The following PLCL1 variants were observed in gnomAD, a reference collection of about 807,000 sequenced individuals.
PLCL1 encodes the protein phospholipase C like 1 (inactive).
In PLCL1, 41 loss-of-function variants were observed where a neutral mutation model predicts 84.4. That is an observed-to-expected ratio of 0.49 (90% CI 0.38 to 0.63). PLCL1 has a LOEUF of 0.63. Ranked by LOEUF, PLCL1 falls within the 30% of genes least tolerant of loss-of-function variation. The probability of loss-of-function intolerance (pLI) is 0.00; values close to 1 mark genes in which losing one functional copy is unlikely to be tolerated. For synonymous variants in PLCL1, 490 were observed against 488.3 expected (o/e 1.00, Z -0.05); for missense variants, 1,206 against 1,367.8 (o/e 0.88, Z 1.87).
rs373401989 is a variant in PLCL1 at position 198,027,989 on chromosome 2, A to G, written c.241-55769A>G. On this transcript the variant is annotated intron_variant, in intron 1 of 5. Coordinates refer to ENST00000428675, the MANE Select transcript of PLCL1 (RefSeq NM_006226.4). ...GCTGGAACTACAGTTATGCACTACCATGCTTGGTTAATTTTTTATTTGTTC... is the reference window on the plus strand; with the variant it reads ...GCTGGAACTACAGTTATGCACTACCGTGCTTGGTTAATTTTTTATTTGTTC... 2.0e-5 allele frequency among the ~76,000 whole-genome samples: 3 copies of G among 152,044 alleles called. No homozygotes were observed. The East Asian group carries it at 5.8e-4, about 29-fold the overall frequency.
At chr2:198,065,464 T>C (rs918252963) in intron 1 of PLCL1, among the ~76,000 whole-genome samples, 2 of 152,148 alleles carry the variant, frequency 1.3e-5, no homozygotes, top group Non-Finnish European at 2.9e-5. Flanking sequence ...TCCATATCCT[T>C]CAGAATCATT....
intron 1 of PLCL1, among the ~76,000 whole-genome samples, chr2:198,072,255 C>G (rs371112294): frequency 2.6e-5 from 4 of 151,762 alleles, no homozygotes; most frequent in South Asian, 4.1e-4. Context: ...CCTCTCACCC[C>G]CATTCACCCC....
intron 1 of PLCL1, among the ~76,000 whole-genome samples, chr2:197,958,747 A>T (rs1689543230): frequency 6.6e-6 from 1 of 152,096 alleles, no homozygotes; most frequent in South Asian, 2.1e-4. Context: ...CCCTTACCTC[A>T]TTCAATCCTC....
intron 5 of PLCL1, among the ~76,000 whole-genome samples, chr2:198,131,690 C>G (rs1470326742): frequency 6.6e-6 from 1 of 152,186 alleles, no homozygotes; most frequent in African/African-American, 2.4e-5. Flanking sequence ...TTCTGGTTTT[C>G]TCTGCAAGAA....
chr2:198,105,002 G>A (rs1038867760), intron 5 of PLCL1, among the ~76,000 whole-genome samples: 4 of 151,922 alleles, frequency 2.6e-5, no homozygotes, highest in Non-Finnish European at 1.5e-5. Context: ...AGTTTCTTTT[G>A]CTGTGCAGAA....
In PLCL1 at chr2:198,148,315, C is replaced by T. The variant is rs915727881; in HGVS notation, c.*1353C>T. On this transcript the variant is annotated 3_prime_UTR_variant, in exon 6 of 6. Coordinates refer to ENST00000428675, the MANE Select transcript of PLCL1 (RefSeq NM_006226.4). ...ATTGTTGAAATTTTGCAAATATAAA[C>T]ATCTCCTATAGCTTCTGTGTTATTT... 6.6e-6 allele frequency: 1 copy of T among 152,274 alleles called. No homozygotes were observed. The highest frequency in any genetic ancestry group is 2.4e-5 in the African/African-American group (1 of 41,432). The allele number at this position is 152,274 out of a possible 1,614,324, so 9.4% of individuals were successfully genotyped here.
At chr2:197,850,019 CAG>C (rs1687198800) in intron 1 of PLCL1, among the ~76,000 whole-genome samples, 2 of 128,188 alleles carry the variant, frequency 1.6e-5, no homozygotes, top group South Asian at 2.5e-4. Context: ...CACAGACACA[CAG>C]ACACACACAG....
At chr2:197,998,658 G>C (rs1439774774) in intron 1 of PLCL1, among the ~76,000 whole-genome samples, 1 of 152,102 alleles carries the variant, frequency 6.6e-6, no homozygotes, top group Admixed American at 6.6e-5. Context: ...AGAGAAGTTG[G>C]CTACATAGAA....
rs1381881501 is a variant in PLCL1, at chr2:197,894,567, T to C, written c.240+89228T>C. On this transcript the variant is annotated intron_variant, in intron 1 of 5. Transcript: ENST00000428675. ...GTTACACATCTACCTTATCATCCTT[T>C]GTAAATGTTTATTTTATGCATGCAT... Among the ~76,000 whole-genome samples the C allele has an allele frequency of 5.3e-5, 8 of 152,026 alleles. 1 individual carries two copies. Among genetic ancestry groups the C allele is most frequent in the Admixed American group, 5.2e-4 (8 of 15,244 alleles).
chr2:198,001,038 G>A (rs537621486), intron 1 of PLCL1, among the ~76,000 whole-genome samples: 2 of 152,116 alleles, frequency 1.3e-5, no homozygotes, highest in South Asian at 2.1e-4. Context: ...AGAGAGATGT[G>A]GTGTTTTCTG....
At chr2:197,936,140 CT>C (rs1340002247) in intron 1 of PLCL1, among the ~76,000 whole-genome samples, 3 of 146,430 alleles carry the variant, frequency 2.0e-5, no homozygotes, top group South Asian at 2.4e-4. Context: ...CACCCCCCCC[CT>C]CACATTTTCT....
chr2:197,857,694 A>G (rs555937961), intron 1 of PLCL1, among the ~76,000 whole-genome samples: 3 of 152,132 alleles, frequency 2.0e-5, no homozygotes, highest in African/African-American at 7.2e-5. Flanking sequence ...GATTAATTAC[A>G]AGTTATTAAA....
chr2:198,131,171 A>G (rs1694110721), intron 5 of PLCL1, among the ~76,000 whole-genome samples: 1 of 152,098 alleles, frequency 6.6e-6, no homozygotes, highest in Middle Eastern at 3.2e-3. Flanking sequence ...GAAAGTGTGT[A>G]ACCCTGCTTG....
intron 1 of PLCL1, among the ~76,000 whole-genome samples, chr2:197,980,762 A>T (rs546873895): frequency 1.3e-5 from 2 of 152,306 alleles, no homozygotes; most frequent in African/African-American, 4.8e-5. Flanking sequence ...AATACTATGG[A>T]GTTCTTATTA....
intron 1 of PLCL1, among the ~76,000 whole-genome samples, chr2:198,030,394 C>A (rs1691382883): frequency 6.6e-6 from 1 of 152,000 alleles, no homozygotes; most frequent in African/African-American, 2.4e-5. Context: ...ACTGTCACCC[C>A]AAAATTTCAG....
At chr2:197,858,117 T>A (rs1687362571) in intron 1 of PLCL1, among the ~76,000 whole-genome samples, 1 of 152,090 alleles carries the variant, frequency 6.6e-6, no homozygotes, top group African/African-American at 2.4e-5. Context: ...ATATAAAACT[T>A]GGTGTGGAGT....
intron 1 of PLCL1, among the ~76,000 whole-genome samples, chr2:198,031,930 A>G (rs1429488639): frequency 6.6e-6 from 1 of 152,154 alleles, no homozygotes; most frequent in Non-Finnish European, 1.5e-5. Flanking sequence ...CAAATCTTAT[A>G]GCATTGTCAT....
intron 1 of PLCL1, among the ~76,000 whole-genome samples, chr2:198,006,837 C>T (rs761179857): frequency 5.9e-5 from 9 of 152,164 alleles, no homozygotes; most frequent in Non-Finnish European, 1.0e-4. Context: ...TGTTGATCTG[C>T]CTTCTAGAAA....
intron 1 of PLCL1, among the ~76,000 whole-genome samples, chr2:197,845,143 A>C (rs911715229): frequency 1.3e-5 from 2 of 152,128 alleles, no homozygotes; most frequent in African/African-American, 4.8e-5. Context: ...CCGTGAGATA[A>C]AAAGATCAAG....
Sources: gnomAD v4.1 joint callset for allele counts (sites outside exome capture counted in the v4.1 genomes callset) on GRCh38, gnomAD v4.1.1 for gene constraint, MANE v1.5 for transcripts, NCBI Gene and HGNC (gene_info 2026-07-23, HGNC 2026-07-21) for gene names.